Variants in LRRC1 observed in about 807,000 individuals in gnomAD.
LRRC1 encodes the protein leucine rich repeat containing 1.
A neutral mutation model predicts 69.9 loss-of-function variants in LRRC1; 28 were observed. That is an observed-to-expected ratio of 0.40 (90% CI 0.30 to 0.55). The LOEUF is 0.55. Among genes scored for constraint, LRRC1 ranks in the 20% least tolerant of loss-of-function variants. LRRC1 has a pLI of 0.47. For synonymous variants in LRRC1, 236 were observed against 240.2 expected, an observed-to-expected ratio of 0.98 and a Z score of 0.16; for missense variants, 498 against 609.0, an observed-to-expected ratio of 0.82 and a Z score of 1.92.
At chr6:53,871,179 G>A (rs1344071688) in intron 2 of LRRC1, among the ~76,000 whole-genome samples, 1 of 152,096 alleles carries the variant, frequency 6.6e-6, no homozygotes, top group East Asian at 1.9e-4. Flanking sequence ...GGATCATATG[G>A]TAGTTCCATT....
At chr6:53,890,304 C>T (rs932800558) in intron 4 of LRRC1, among the ~76,000 whole-genome samples, 1 of 152,152 alleles carries the variant, frequency 6.6e-6, no homozygotes, top group Non-Finnish European at 1.5e-5. Context: ...AACAGTTATT[C>T]AGTCACTAAA....
chr6:53,862,309 G>A (rs1448819801), intron 2 of LRRC1, among the ~76,000 whole-genome samples: 3 of 151,758 alleles, frequency 2.0e-5, no homozygotes, highest in Admixed American at 2.0e-4. Context: ...GTGTGTGTGT[G>A]TGTGTGTGTG....
chr6:53,894,939 T>G (rs2127435127), intron 4 of LRRC1, among the ~76,000 whole-genome samples: 2 of 151,648 alleles, frequency 1.3e-5, no homozygotes, highest in African/African-American at 4.8e-5. Flanking sequence ...TTTTTTCTTT[T>G]TTTTTTTTTT....
intron 4 of LRRC1, among the ~76,000 whole-genome samples, chr6:53,888,149 C>T (rs1287722932): frequency 1.3e-5 from 2 of 152,096 alleles, no homozygotes; most frequent in African/African-American, 4.8e-5. Context: ...TCAGTTATAT[C>T]AGTTTCTACT....
intron 7 of LRRC1, 135 bp downstream of exon 7, chr6:53,897,494 G>A: frequency 1.7e-6 from 1 of 588,822 alleles, no homozygotes; most frequent in Non-Finnish European, 2.9e-6. Flanking sequence ...AGGCACATTT[G>A]GAAAAAACAT....
chr6:53,826,984 A>G (rs1349176915), intron 1 of LRRC1, among the ~76,000 whole-genome samples: 1 of 152,210 alleles, frequency 6.6e-6, no homozygotes, highest in Non-Finnish European at 1.5e-5. Flanking sequence ...ATGTGCATCC[A>G]GGCTTAGGAC....
chr6:53,819,128 G>C (rs1331865432), intron 1 of LRRC1, among the ~76,000 whole-genome samples: 1 of 152,228 alleles, frequency 6.6e-6, no homozygotes, highest in African/African-American at 2.4e-5. Context: ...CTGTGGAAGA[G>C]AGAGAGGCAA....
chr6:53,847,046 GTATA>G (rs1765970107), intron 2 of LRRC1, among the ~76,000 whole-genome samples: 1 of 152,194 alleles, frequency 6.6e-6, no homozygotes, highest in South Asian at 2.1e-4. Flanking sequence ...AGTGTAAGGT[GTATA>G]CTACCAGCAC....
intron 1 of LRRC1, among the ~76,000 whole-genome samples, chr6:53,807,109 T>C (rs1417053691): frequency 6.6e-6 from 1 of 152,190 alleles, no homozygotes; most frequent in Non-Finnish European, 1.5e-5. Flanking sequence ...AGTATCAGAT[T>C]GAGGTGGCTT....
intron 9 of LRRC1, among the ~76,000 whole-genome samples, chr6:53,903,772 G>T (rs112216593): frequency 1.3e-5 from 2 of 152,242 alleles, no homozygotes; most frequent in African/African-American, 4.8e-5. Flanking sequence ...TTCCAGTCCT[G>T]CTTTGTGATT....
At chr6:53,822,409 C>T (rs551987753) in intron 1 of LRRC1, among the ~76,000 whole-genome samples, 8 of 152,298 alleles carry the variant, frequency 5.3e-5, no homozygotes, top group Admixed American at 4.6e-4. Context: ...TTTATTCCAT[C>T]AATGTTGCTA....
intron 2 of LRRC1, among the ~76,000 whole-genome samples, chr6:53,859,917 A>T (rs539540191): frequency 8.5e-5 from 13 of 152,368 alleles, no homozygotes; most frequent in Admixed American, 8.5e-4. Context: ...ACAGGCTTGA[A>T]GTGGCCAGAG....
intron 2 of LRRC1, among the ~76,000 whole-genome samples, chr6:53,864,221 C>G (rs1766621884): frequency 6.6e-6 from 1 of 152,112 alleles, no homozygotes; most frequent in Non-Finnish European, 1.5e-5. Context: ...TCCCCTCTGC[C>G]TCCTGGGTCT....
intron 4 of LRRC1, among the ~76,000 whole-genome samples, chr6:53,893,785 C>G (rs553852457): frequency 6.6e-6 from 1 of 151,890 alleles, no homozygotes; most frequent in Non-Finnish European, 1.5e-5. Context: ...CTTTACTTCC[C>G]CCAAACAGTA....
intron 2 of LRRC1, among the ~76,000 whole-genome samples, chr6:53,862,365 A>G (rs1489356166): frequency 6.0e-5 from 9 of 151,248 alleles, no homozygotes; most frequent in African/African-American, 9.7e-5. Flanking sequence ...AGTAAGTAAA[A>G]AGTGCCAAAC....
At chr6:53,841,726 TTAAA>T (rs1211891536) in intron 1 of LRRC1, among the ~76,000 whole-genome samples, 2 of 152,124 alleles carry the variant, frequency 1.3e-5, no homozygotes, top group African/African-American at 2.4e-5. Context: ...ATTTTAAAAT[TTAAA>T]TAATATTTTT....
intron 1 of LRRC1, among the ~76,000 whole-genome samples, chr6:53,821,103 TC>T (rs1765102305): frequency 6.6e-6 from 1 of 152,356 alleles, no homozygotes; most frequent in East Asian, 1.9e-4. Context: ...ATTATTTTTT[TC>T]CTTTCCTTTA....
intron 2 of LRRC1, among the ~76,000 whole-genome samples, chr6:53,849,605 G>T (rs542294078): frequency 6.6e-6 from 1 of 152,168 alleles, no homozygotes; most frequent in East Asian, 1.9e-4. Context: ...TGCAAACAGC[G>T]CTCTCCTCTT....
At chr6:53,829,550 C>T (rs1408790679) in intron 1 of LRRC1, among the ~76,000 whole-genome samples, 1 of 152,092 alleles carries the variant, frequency 6.6e-6, no homozygotes, top group Non-Finnish European at 1.5e-5. Flanking sequence ...AAAGTGCTTT[C>T]CAGAGAGAAA....
Sources: gnomAD v4.1 joint callset for allele counts (sites outside exome capture counted in the v4.1 genomes callset) on GRCh38, gnomAD v4.1.1 for gene constraint, MANE v1.5 for transcripts, NCBI Gene and HGNC (gene_info 2026-07-23, HGNC 2026-07-21) for gene names.